HDAC7: variants seen among roughly 807,000 people sequenced by gnomAD.
The protein encoded by HDAC7 is histone deacetylase 7A.
HDAC7 carries 26 observed loss-of-function variants against 115.5 expected under a neutral mutation model. That is an observed-to-expected ratio of 0.23 (90% CI 0.16 to 0.31). HDAC7 has a LOEUF of 0.31. Among genes scored for constraint, HDAC7 ranks in the 10% least tolerant of loss-of-function variants. HDAC7 has a pLI of 1.00. For missense variants in HDAC7, 1,068 were observed against 1,329.0 expected (o/e 0.80, Z 3.05); for synonymous variants, 564 against 550.9 (o/e 1.02, Z -0.33).
At chr12:47,801,925 C>G (rs1944184673) in intron 2 of HDAC7, among the ~76,000 whole-genome samples, 1 of 152,216 alleles carries the variant, frequency 6.6e-6, no homozygotes, top group Admixed American at 6.5e-5. Flanking sequence ...GGGTAGGGGT[C>G]TCAGTATAAA....
chr12:47,783,784 G>T lies in HDAC7; in HGVS notation c.*57C>A. 1.9e-6 allele frequency: 3 copies of T among 1,557,672 alleles called. No individual in the cohort carries two copies. The highest frequency in any genetic ancestry group is 1.2e-5 in the South Asian group (1 of 86,672). On this transcript the variant is annotated 3_prime_UTR_variant, in exon 26 of 26. Transcript: ENST00000080059. ...CCCAGGAATGGGGGCTATTGCCAGG[G>T]GTTAGAAGAGAACCAGGTCCCAAGG...
chr12:47,785,567 ACT>A, intron 23 of HDAC7, 96 bp from the exon 24 acceptor site: 1 of 1,382,218 alleles, frequency 7.2e-7, no homozygotes, highest in South Asian at 1.3e-5. Flanking sequence ...CCACAAGCAC[ACT>A]CTACCTAGGC....
intron 22 of HDAC7, 152 bp downstream of exon 22, chr12:47,786,433 A>C: frequency 1.6e-6 from 1 of 625,178 alleles, no homozygotes; most frequent in Non-Finnish European, 2.8e-6. Flanking sequence ...ATCCCGGGGA[A>C]TTTCAGGACC....
At chr12:47,784,963 T>G (rs2136897764) in intron 24 of HDAC7, 1 of 608,598 alleles carries the variant, frequency 1.6e-6, no homozygotes, top group South Asian at 2.0e-5. Context: ...AGTTGAAAAT[T>G]TAAAGTACTT....
chr12:47,810,804 GTCTC>G (rs60132211), intron 1 of HDAC7, among the ~76,000 whole-genome samples: 13,166 of 131,260 alleles, frequency 0.1, 757 homozygotes, highest in East Asian at 0.39. Context: ...GGAGGAAAAG[GTCTC>G]TCTCTCTCTC....
intron 1 of HDAC7, among the ~76,000 whole-genome samples, chr12:47,815,296 G>C (rs185083450): frequency 6.6e-6 from 1 of 152,130 alleles, no homozygotes; most frequent in Admixed American, 6.5e-5. Context: ...TCGGGTCCAC[G>C]TCATCACAAA....
At chr12:47,808,219 G>A (rs1018454610) in intron 1 of HDAC7, among the ~76,000 whole-genome samples, 1 of 152,218 alleles carries the variant, frequency 6.6e-6, no homozygotes, top group Non-Finnish European at 1.5e-5. Context: ...GTATTTTGCA[G>A]CCGCAGGATG....
chr12:47,809,289 T>A (rs1944546489), intron 1 of HDAC7, among the ~76,000 whole-genome samples: 1 of 152,228 alleles, frequency 6.6e-6, no homozygotes, highest in South Asian at 2.1e-4. Context: ...CTGTGTACCC[T>A]ACTCCTGCTT....
At chr12:47,804,525 A>G (rs1299985951) in intron 1 of HDAC7, among the ~76,000 whole-genome samples, 3 of 62,286 alleles carry the variant, frequency 4.8e-5, no homozygotes, top group African/African-American at 3.2e-4. Flanking sequence ...GGTCAGCCTG[A>G]AAAAAAAAAA....
intron 19 of HDAC7, 129 bp downstream of exon 19, chr12:47,789,132 A>C: frequency 3.9e-6 from 3 of 759,814 alleles, no homozygotes; most frequent in Non-Finnish European, 6.7e-6. Flanking sequence ...CCCAAATTTT[A>C]CACAAGGGGA....
chr12:47,796,015 G>T lies in HDAC7; in HGVS notation c.797C>A (p.Ala266Glu). 1 of 1,549,320 alleles carries T rather than the reference G, an allele frequency of 6.5e-7. No individual in the cohort carries two copies. Among genetic ancestry groups the T allele is most frequent in the Non-Finnish European group, 8.7e-7 (1 of 1,146,728 alleles). Residue 266 changes from alanine to glutamate, a missense_variant and splice_region_variant, in exon 9 of 26, where the codon GCG becomes GAG. By Grantham distance (107) the Ala-to-Glu change is moderately radical (BLOSUM62 -1). This residue lies in a region of HDAC7 where 618 missense variants were observed against 701.5 expected (regional missense o/e 0.88). Coordinates refer to ENST00000080059, the MANE Select transcript of HDAC7 (RefSeq NM_015401.5). ...HGPNPILGSEALLGQRLRLQE... is the reference protein window; with the variant it reads ...HGPNPILGSEELLGQRLRLQE... ...CAGCCGCAGCCGCTGGCCCAAGAGC[G>T]CCTGCCATAGGGAGCAGGGCGAGGG... is the stretch of plus-strand genomic sequence containing the variant.
At position 47,795,262 on chromosome 12, in the gene HDAC7, G is replaced by A. The variant is rs774454875; in HGVS notation, c.1206C>T (p.Pro402=). 7 of 1,611,044 alleles carry A rather than the reference G, an allele frequency of 4.3e-6. No individual in the cohort carries two copies. Among genetic ancestry groups the A allele is most frequent in the Middle Eastern group, 1.7e-4 (1 of 6,040 alleles). Residue 402 remains proline (P), a synonymous_variant, in exon 11 of 26, where the codon CCC becomes CCT. Transcript: ENST00000080059. This position sits in a 1 kb window ranked among gnomAD's most constrained non-coding sequence, Gnocchi z 4.3. ...LSRTRSEPLP[P]SATAPPPPGP... ...CCGGCGGTGGGGGAGCGGTGGCACT[G>A]GGGGGCAGGGGCTCTGAGCGAGTCC...
intron 1 of HDAC7, among the ~76,000 whole-genome samples, chr12:47,810,328 G>A (rs1944597405): frequency 6.6e-6 from 1 of 152,218 alleles, no homozygotes; most frequent in Non-Finnish European, 1.5e-5. Flanking sequence ...TCACACAGAT[G>A]GTATGTGGAG....
At position 47,786,574 on chromosome 12, in the gene HDAC7, G is replaced by A. The variant is rs1450832056; in HGVS notation, c.2572+11C>T. On this transcript the variant is annotated intron_variant, in intron 22 of 25. Transcript: ENST00000080059. ...TGTCCCTAACGTCCCCCTCAGCTGAGGCTCCCTTACATTTGGCAGAAACAT... is the reference window on the plus strand; with the variant it reads ...TGTCCCTAACGTCCCCCTCAGCTGAAGCTCCCTTACATTTGGCAGAAACAT... The A allele has an allele frequency of 6.3e-7, 1 of 1,590,732 alleles. No homozygotes were observed. Among genetic ancestry groups the A allele is most frequent in the East Asian group, 2.2e-5 (1 of 44,776 alleles).
chr12:47,791,452 G>A, intron 15 of HDAC7, 134 bp downstream of exon 15: 3 of 1,399,924 alleles, frequency 2.1e-6, no homozygotes, highest in Admixed American at 2.2e-5. Flanking sequence ...CTGAGGAGGG[G>A]CTTGGCAGCA....
chr12:47,818,135 A>G (rs1310037110), intron 1 of HDAC7, among the ~76,000 whole-genome samples: 3 of 152,070 alleles, frequency 2.0e-5, no homozygotes, highest in Non-Finnish European at 4.4e-5. Flanking sequence ...AGACATGCAA[A>G]CTTCCCTGCC....
At position 47,798,342 on chromosome 12, in the gene HDAC7, C is replaced by A; in HGVS notation, c.350-123G>T. On this transcript the variant is annotated intron_variant, in intron 4 of 25. Coordinates refer to ENST00000080059, the MANE Select transcript of HDAC7 (RefSeq NM_015401.5). This position sits in a 1 kb window ranked among gnomAD's most constrained non-coding sequence, Gnocchi z 4.3. Reference sequence around the variant, plus strand: ...GTCCCAGGGACTCCCTAGGCAAGAGCCAAGCCCGAGGCCCTACCCCTCCCT... The same window carrying A: ...GTCCCAGGGACTCCCTAGGCAAGAGACAAGCCCGAGGCCCTACCCCTCCCT... 1.1e-6 allele frequency: 1 copy of A among 892,174 alleles called. No individual in the cohort carries two copies. 55.3% of individuals were successfully genotyped at this position (892,174 alleles called of 1,614,324 possible).
intron 23 of HDAC7, 75 bp downstream of exon 23, chr12:47,785,677 C>G: frequency 6.6e-7 from 1 of 1,510,336 alleles, no homozygotes; most frequent in African/African-American, 1.4e-5. Flanking sequence ...TCCCATCTGC[C>G]TGCTCCTTGG....
intron 1 of HDAC7, among the ~76,000 whole-genome samples, chr12:47,806,910 G>C: frequency 6.6e-6 from 1 of 150,784 alleles, no homozygotes; most frequent in Non-Finnish European, 1.5e-5. Context: ...ATTTTCTCCT[G>C]AATGCATGCC....
Sources: allele counts gnomAD v4.1 joint callset (sites outside exome capture counted in the v4.1 genomes callset), GRCh38; gene constraint gnomAD v4.1.1; regional missense constraint gnomAD v4.1.1; non-coding constraint Gnocchi (gnomAD v3.1); transcripts MANE v1.5; gene names NCBI Gene and HGNC (gene_info 2026-07-23, HGNC 2026-07-21).